Variants in SSBP2 observed in about 807,000 individuals in gnomAD.
SSBP2 encodes the protein single-stranded DNA-binding protein 2.
In SSBP2, 17 loss-of-function variants were observed where a neutral mutation model predicts 61.8. That is an observed-to-expected ratio of 0.28 (90% confidence interval 0.19 to 0.41). The LOEUF is 0.41. Among genes scored for constraint, SSBP2 ranks in the 10% least tolerant of loss-of-function variants. The pLI is 1.00. For missense variants in SSBP2, 310 were observed against 458.7 expected, an observed-to-expected ratio of 0.68 and a Z score of 2.96; for synonymous variants, 139 against 141.3, an observed-to-expected ratio of 0.98 and a Z score of 0.12.
intron 10 of SSBP2, among the ~76,000 whole-genome samples, chr5:81,457,068 T>C (rs1764214525): frequency 6.6e-6 from 1 of 152,180 alleles, no homozygotes; most frequent in Non-Finnish European, 1.5e-5. Flanking sequence ...GCCTAAAAGT[T>C]GTATTACTCT....
chr5:81,712,607 CAAAA>C (rs554036646), intron 1 of SSBP2, among the ~76,000 whole-genome samples: 1 of 7,528 alleles, frequency 1.3e-4, no homozygotes. Context: ...GACTCCGTCT[CAAAA>C]AAAAAAAAAA....
At chr5:81,501,268 T>TATACAC (rs1205403428) in intron 5 of SSBP2, among the ~76,000 whole-genome samples, 6 of 35,758 alleles carry the variant, frequency 1.7e-4, no homozygotes, top group African/African-American at 2.6e-4. Flanking sequence ...TATATATATA[T>TATACAC]ACACACACAC....
chr5:81,672,967 GC>G (rs1218661560), intron 1 of SSBP2, among the ~76,000 whole-genome samples: 2 of 151,674 alleles, frequency 1.3e-5, no homozygotes, highest in Admixed American at 6.6e-5. Context: ...CTCCTGAGTA[GC>G]TGGGACTTAC....
At chr5:81,568,118 GAT>G (rs1307305121) in intron 4 of SSBP2, among the ~76,000 whole-genome samples, 2 of 152,118 alleles carry the variant, frequency 1.3e-5, no homozygotes, top group African/African-American at 2.4e-5. Context: ...GAAATGTGAA[GAT>G]ATGAGATTTT....
At chr5:81,450,969 C>G (rs1477819866) in intron 10 of SSBP2, among the ~76,000 whole-genome samples, 1 of 152,154 alleles carries the variant, frequency 6.6e-6, no homozygotes, top group South Asian at 2.1e-4. Context: ...TAACAAATAT[C>G]TGGAAGCATT....
intron 2 of SSBP2, among the ~76,000 whole-genome samples, chr5:81,649,434 A>G (rs1749548939): frequency 6.6e-6 from 1 of 152,094 alleles, no homozygotes; most frequent in Non-Finnish European, 1.5e-5. Context: ...ATGGAATACT[A>G]CGCAGCCTAA....
chr5:81,682,937 A>T (rs1390088224), intron 1 of SSBP2, among the ~76,000 whole-genome samples: 1 of 152,152 alleles, frequency 6.6e-6, no homozygotes, highest in East Asian at 1.9e-4. Flanking sequence ...AATGAGATAC[A>T]CAGGTATAAA....
chr5:81,667,246 G>A, intron 1 of SSBP2, among the ~76,000 whole-genome samples: 1 of 149,488 alleles, frequency 6.7e-6, no homozygotes. Context: ...TGAGGCAGCT[G>A]GAATTTATGA....
chr5:81,588,992 G>A (rs1775287161), intron 4 of SSBP2, among the ~76,000 whole-genome samples: 1 of 152,186 alleles, frequency 6.6e-6, no homozygotes, highest in Admixed American at 6.5e-5. Flanking sequence ...TTGAGCCCAG[G>A]AGGTAGAGGC....
At chr5:81,548,948 A>G (rs1340960753) in intron 4 of SSBP2, among the ~76,000 whole-genome samples, 6 of 152,150 alleles carry the variant, frequency 3.9e-5, no homozygotes, top group African/African-American at 1.4e-4. Flanking sequence ...TTAAGAAGAT[A>G]GTTTTGTCTT....
intron 1 of SSBP2, among the ~76,000 whole-genome samples, chr5:81,740,784 G>A (rs1581457979): frequency 1.3e-5 from 2 of 152,312 alleles, no homozygotes; most frequent in East Asian, 3.9e-4. Flanking sequence ...TCTCTGGTGA[G>A]CACCTACATC....
At chr5:81,518,111 G>A (rs1769177534) in intron 4 of SSBP2, among the ~76,000 whole-genome samples, 1 of 151,778 alleles carries the variant, frequency 6.6e-6, no homozygotes, top group Non-Finnish European at 1.5e-5. Flanking sequence ...GTCTATATTT[G>A]GTAAAATAGG....
rs191068989 is a variant in SSBP2, at chr5:81,645,688, G to A, written c.135+4579C>T. Among the ~76,000 whole-genome samples the A allele has an allele frequency of 2.0e-3, 308 of 152,210 alleles. 2 individuals carry two copies. The highest frequency in any genetic ancestry group is 7.1e-3 in the African/African-American group (294 of 41,548). On this transcript the variant is annotated intron_variant, in intron 2 of 16. Coordinates refer to ENST00000320672, the MANE Select transcript of SSBP2 (RefSeq NM_012446.5). ...GTAGAATTGGAAAGAAGATTCCTTA[G>A]CATTCTGTTTGTAATTATTAAATGT... is the stretch of plus-strand genomic sequence containing the variant.
At chr5:81,589,017 A>G (rs945912354) in intron 4 of SSBP2, among the ~76,000 whole-genome samples, 2 of 152,236 alleles carry the variant, frequency 1.3e-5, no homozygotes, top group African/African-American at 4.8e-5. Flanking sequence ...GTGAGCTGTG[A>G]CTGTGCCACT....
At chr5:81,689,124 C>T (rs760418824) in intron 1 of SSBP2, among the ~76,000 whole-genome samples, 2 of 151,574 alleles carry the variant, frequency 1.3e-5, no homozygotes, top group African/African-American at 4.8e-5. Context: ...CAGAATTGAT[C>T]AAGCAGAAGA....
At chr5:81,542,859 TTTC>T (rs964813120) in intron 4 of SSBP2, among the ~76,000 whole-genome samples, 2 of 92,478 alleles carry the variant, frequency 2.2e-5, no homozygotes, top group African/African-American at 1.3e-4. Context: ...CTCTCCTTTC[TTTC>T]TTCTTTTTTT....
chr5:81,513,529 C>G, intron 5 of SSBP2, 99 bp downstream of exon 5: 1 of 732,712 alleles, frequency 1.4e-6, no homozygotes. Flanking sequence ...TATTATTTAC[C>G]TTAAAAATTA....
intron 2 of SSBP2, among the ~76,000 whole-genome samples, chr5:81,644,561 G>T (rs1749094875): frequency 6.6e-6 from 1 of 152,200 alleles, no homozygotes; most frequent in East Asian, 1.9e-4. Context: ...CTTATGTCTA[G>T]TATTCAAGTT....
Position 81,489,366 on chromosome 5 carries a change from A to G in SSBP2, c.373-57T>C, listed in dbSNP as rs890667729. ...CAAAAAACAGTACAATGTAAAATAC[A>G]TATCTGAAAATAAACTACTTAAAAA... On this transcript the variant is annotated intron_variant, in intron 5 of 16. Coordinates refer to ENST00000320672, the MANE Select transcript of SSBP2 (RefSeq NM_012446.5). 2.0e-5 allele frequency: 28 copies of G among 1,392,942 alleles called. 1 individual carries two copies. The South Asian group carries it at 2.6e-4, about 13-fold the overall frequency. The allele number at this position is 1,392,942 out of a possible 1,614,324, so 86.3% of individuals were successfully genotyped here.
Sources: gnomAD v4.1 joint callset for allele counts (sites outside exome capture counted in the v4.1 genomes callset) on GRCh38, gnomAD v4.1.1 for gene constraint, MANE v1.5 for transcripts, NCBI Gene and HGNC (gene_info 2026-07-23, HGNC 2026-07-21) for gene names.